The following KCNH5 variants were observed in gnomAD, a reference collection of about 807,000 sequenced individuals.
KCNH5 encodes the protein voltage-gated delayed rectifier potassium channel KCNH5.
KCNH5 carries 46 observed loss-of-function variants against 96.1 expected under a neutral mutation model. The observed-to-expected ratio is 0.48, with a 90% CI of 0.38 to 0.61. KCNH5 has a LOEUF of 0.61. Among genes scored for constraint, KCNH5 ranks in the 20% least tolerant of loss-of-function variants. The pLI, the probability that KCNH5 is intolerant of heterozygous loss-of-function variation, is 0.00. For missense variants in KCNH5, 907 were observed against 1,225.8 expected (o/e 0.74, Z 3.88); for synonymous variants, 439 against 449.8 (o/e 0.98, Z 0.30).
chr14:63,012,674 T>A lies in KCNH5; in HGVS notation c.197+4157A>T, dbSNP rs1174737813. Among the ~76,000 whole-genome samples the A allele has an allele frequency of 2.0e-5, 3 of 152,032 alleles. No homozygotes were observed. The South Asian group carries it at 6.2e-4, about 32-fold the overall frequency. On this transcript the variant is annotated intron_variant, in intron 2 of 10. Coordinates refer to ENST00000322893, the MANE Select transcript of KCNH5 (RefSeq NM_139318.5). ...AAGTTAGATTCCAGGACTACTAGAA[T>A]GTATAAATAGAACGAAGGCTGTGAA...
chr14:62,853,076 A>C (rs79147604), intron 7 of KCNH5, among the ~76,000 whole-genome samples: 3,006 of 152,308 alleles, frequency 0.02, 52 homozygotes, highest in East Asian at 0.062. Flanking sequence ...CAGCAAAGCC[A>C]TACCTAGTTG....
intron 7 of KCNH5, among the ~76,000 whole-genome samples, chr14:62,942,820 TTTTATA>T (rs775586597): frequency 3.7e-4 from 56 of 152,196 alleles, no homozygotes; most frequent in Admixed American, 7.9e-4. Flanking sequence ...CCCCAGCAAT[TTTTATA>T]TTTATAATTT....
chr14:62,715,430 A>G (rs550233320), intron 10 of KCNH5, among the ~76,000 whole-genome samples: 11 of 152,162 alleles, frequency 7.2e-5, no homozygotes, highest in Non-Finnish European at 1.3e-4. Context: ...TACTGCTTCC[A>G]TCATCTTAGT....
At chr14:62,916,620 A>T (rs759051344) in intron 7 of KCNH5, among the ~76,000 whole-genome samples, 1 of 152,222 alleles carries the variant, frequency 6.6e-6, no homozygotes, top group Non-Finnish European at 1.5e-5. Context: ...TTCCACTGCC[A>T]TACAAACAGT....
At chr14:63,034,324 A>G (rs1011888797) in intron 1 of KCNH5, among the ~76,000 whole-genome samples, 1 of 152,210 alleles carries the variant, frequency 6.6e-6, no homozygotes, top group African/African-American at 2.4e-5. Flanking sequence ...TAGCAATTGT[A>G]TTTGGGTTAA....
At chr14:62,953,486 C>A (rs925224481) in intron 6 of KCNH5, among the ~76,000 whole-genome samples, 1 of 152,112 alleles carries the variant, frequency 6.6e-6, no homozygotes, top group East Asian at 1.9e-4. Flanking sequence ...GTCTGCCGTG[C>A]GTTTCCTCTT....
chr14:62,714,231 G>A (rs1344298941), intron 10 of KCNH5, among the ~76,000 whole-genome samples: 1 of 152,088 alleles, frequency 6.6e-6, no homozygotes, highest in Non-Finnish European at 1.5e-5. Context: ...TGAGGTTCCA[G>A]TAAGCTAAGA....
At chr14:62,913,691 C>A (rs1022441471) in intron 7 of KCNH5, among the ~76,000 whole-genome samples, 2 of 151,782 alleles carry the variant, frequency 1.3e-5, no homozygotes, top group East Asian at 3.9e-4. Flanking sequence ...AATATAAAAC[C>A]CAAGCTTAGA....
intron 8 of KCNH5, among the ~76,000 whole-genome samples, chr14:62,803,390 G>A (rs1229217107): frequency 6.6e-6 from 1 of 152,118 alleles, no homozygotes; most frequent in Non-Finnish European, 1.5e-5. Flanking sequence ...CTCCACTCTT[G>A]ATATATTTTT....
chr14:62,748,912 A>C (rs1292228880), intron 10 of KCNH5, among the ~76,000 whole-genome samples: 1 of 152,208 alleles, frequency 6.6e-6, no homozygotes, highest in African/African-American at 2.4e-5. Context: ...ACTAAACAGA[A>C]AGGCTTTCCA....
chr14:62,714,731 C>A (rs1312160047), intron 10 of KCNH5, among the ~76,000 whole-genome samples: 1 of 152,052 alleles, frequency 6.6e-6, no homozygotes, highest in Non-Finnish European at 1.5e-5. Context: ...AAATATATAT[C>A]CTTACTTATC....
chr14:62,935,473 G>C (rs1019361018), intron 7 of KCNH5, among the ~76,000 whole-genome samples: 1 of 152,172 alleles, frequency 6.6e-6, no homozygotes, highest in African/African-American at 2.4e-5. Flanking sequence ...GGACACTTCA[G>C]ACAGACTGGA....
intron 1 of KCNH5, among the ~76,000 whole-genome samples, chr14:63,027,265 T>C (rs764261678): frequency 1.3e-5 from 2 of 151,996 alleles, no homozygotes; most frequent in East Asian, 1.9e-4. Flanking sequence ...GTTTGAGTGA[T>C]CTACTATATA....
chr14:62,851,399 G>T (rs1227601942), intron 7 of KCNH5, among the ~76,000 whole-genome samples: 1 of 150,288 alleles, frequency 6.7e-6, no homozygotes, highest in Non-Finnish European at 1.5e-5. Flanking sequence ...AGTTTTCCAT[G>T]TTGAAATGAA....
At chr14:62,984,202 G>C (rs1890663471) in intron 5 of KCNH5, among the ~76,000 whole-genome samples, 1 of 152,108 alleles carries the variant, frequency 6.6e-6, no homozygotes, top group Admixed American at 6.5e-5. Flanking sequence ...TACCAATACA[G>C]ACACATTCTT....
rs569897939 is a variant in KCNH5 at position 62,913,091 on chromosome 14, GTA to G, written c.1369+37040_1369+37041del. Among the ~76,000 whole-genome samples, 24 of 152,326 alleles carry G rather than the reference GTA, an allele frequency of 1.6e-4. 1 individual carries two copies. The South Asian group carries it at 4.6e-3, about 29-fold the overall frequency. ...AAATTTTTGTCTAAGGAGTCAAAAT[GTA>G]TGGGGTAAGTTAGTGATTTGTCAAG... On this transcript the variant is annotated intron_variant, in intron 7 of 10. Transcript: ENST00000322893.
chr14:62,942,990 C>T (rs776030383), intron 7 of KCNH5, among the ~76,000 whole-genome samples: 1 of 151,956 alleles, frequency 6.6e-6, no homozygotes, highest in Non-Finnish European at 1.5e-5. Flanking sequence ...AAAATGAATA[C>T]CCAAATTCCA....
At chr14:62,816,422 T>C (rs112585648) in intron 8 of KCNH5, among the ~76,000 whole-genome samples, 6 of 152,038 alleles carry the variant, frequency 3.9e-5, no homozygotes, top group African/African-American at 1.4e-4. Context: ...TTCCTTTCAC[T>C]CTCCCACTAT....
chr14:62,890,280 T>C (rs1348251558), intron 7 of KCNH5, among the ~76,000 whole-genome samples: 11 of 151,918 alleles, frequency 7.2e-5, no homozygotes, highest in Non-Finnish European at 1.3e-4. Context: ...AAACCATCAA[T>C]AGAGTAAACA....
Sources: allele counts gnomAD v4.1 joint callset (sites outside exome capture counted in the v4.1 genomes callset), GRCh38; gene constraint gnomAD v4.1.1; transcripts MANE v1.5; gene names NCBI Gene and HGNC (gene_info 2026-07-23, HGNC 2026-07-21).